Variants in MS4A4A observed in about 807,000 individuals in gnomAD.
MS4A4A encodes the protein membrane-spanning 4-domains subfamily A member 4A.
In MS4A4A, 26 loss-of-function variants were observed where a neutral mutation model predicts 28.0. That is an observed-to-expected ratio of 0.93 (90% CI 0.68 to 1.29). The LOEUF (loss-of-function observed/expected upper bound fraction) is 1.29. Among genes scored for constraint, MS4A4A ranks in the 50% most tolerant of loss-of-function variants. The pLI is 0.00. For synonymous variants in MS4A4A, 86 were observed against 100.8 expected (o/e 0.85, Z 0.88); for missense variants, 290 against 293.1 (o/e 0.99, Z 0.08).
At chr11:60,306,267 A>C in intron 6 of MS4A4A, 66 bp downstream of exon 6, 1 of 1,241,124 alleles carries the variant, frequency 8.1e-7, no homozygotes, top group East Asian at 2.3e-5. Context: ...TCGATTACAC[A>C]CACTTAGAGT....
intron 1 of MS4A4A, chr11:60,282,543 C>A: frequency 4.0e-6 from 5 of 1,265,364 alleles, no homozygotes; most frequent in Non-Finnish European, 4.1e-6. Flanking sequence ...AAATGCTGTT[C>A]ATGTGTGAGA....
At chr11:60,287,705 G>T (rs1400523421) in intron 1 of MS4A4A, among the ~76,000 whole-genome samples, 1 of 152,162 alleles carries the variant, frequency 6.6e-6, no homozygotes, top group Non-Finnish European at 1.5e-5. Flanking sequence ...GAGACTCAAG[G>T]TATGATTTAT....
At position 60,289,585 on chromosome 11, in the gene MS4A4A, GTGTGTGTGTA is replaced by G. The variant is rs1356891889; in HGVS notation, c.42-2630_42-2621del. Reference sequence around the variant, plus strand: ...TCATTGTTTTGGGGAGTGTGTGTGTGTGTGTGTGTATGTGTGTGTGTGTGTGTGTGTGTGT... The same window carrying G: ...TCATTGTTTTGGGGAGTGTGTGTGTGTGTGTGTGTGTGTGTGTGTGTGTGT... On this transcript the variant is annotated intron_variant, in intron 1 of 6. Transcript: ENST00000337908. Among the ~76,000 whole-genome samples the G allele has an allele frequency of 1.3e-3, 124 of 95,964 alleles. 2 individuals carry two copies. Among genetic ancestry groups the G allele is most frequent in the African/African-American group, 4.3e-3 (98 of 23,000 alleles). 63.0% of individuals were successfully genotyped at this position (95,964 alleles called of 152,430 possible). A position where few individuals can be genotyped will look rare whatever the true frequency, so the allele number is the denominator to read the frequency against.
At chr11:60,292,742 T>C (rs1235136803) in intron 2 of MS4A4A, among the ~76,000 whole-genome samples, 1 of 152,204 alleles carries the variant, frequency 6.6e-6, no homozygotes, top group Non-Finnish European at 1.5e-5. Context: ...ATATTGCTAC[T>C]ATTTCTTTCT....
intron 1 of MS4A4A, 120 bp from the exon 2 acceptor site, chr11:60,292,105 T>C: frequency 8.0e-7 from 1 of 1,246,784 alleles, no homozygotes. Flanking sequence ...CTAACAGCTA[T>C]TATGATATGG....
Position 60,308,888 on chromosome 11 carries a change from A to G in MS4A4A, c.*710A>G, listed in dbSNP as rs2085032600. On this transcript the variant is annotated 3_prime_UTR_variant, in exon 7 of 7. Transcript: ENST00000337908. ...TACTGGGCATAATTATATCTTAATC[A>G]TATATGGAAATGTGCAACATATGGT... The G allele has an allele frequency of 6.6e-6, 1 of 152,208 alleles. No homozygotes were observed. Among genetic ancestry groups the G allele is most frequent in the Admixed American group, 6.5e-5 (1 of 15,278 alleles). 9.4% of individuals were successfully genotyped at this position (152,208 alleles called of 1,614,324 possible).
rs749978296 is a variant in MS4A4A, at chr11:60,302,599, T to C, written c.428T>C (p.Leu143Pro). ...GGAATGAATATCACCAGCTCTGTAC[T>C]GGCTGCATCAGGGATCTTAATCAAC... ...SLGMNITSSVLAASGILINTF... is the reference protein window; with the variant it reads ...SLGMNITSSVPAASGILINTF... The change falls in exon 5 of 7, where the codon CTG (leucine) becomes CCG (proline). Residue 143 changes from leucine (L) to proline (P), a missense_variant. By Grantham distance (98) the Leu-to-Pro change is moderately conservative. Transcript: ENST00000337908. The C allele has an allele frequency of 1.6e-5, 26 of 1,614,102 alleles. No individual in the cohort carries two copies. Among genetic ancestry groups the C allele is most frequent in the Non-Finnish European group, 2.1e-5 (25 of 1,180,032 alleles).
intron 1 of MS4A4A, among the ~76,000 whole-genome samples, chr11:60,291,454 T>G (rs1026237144): frequency 1.3e-5 from 2 of 152,182 alleles, no homozygotes; most frequent in Non-Finnish European, 2.9e-5. Flanking sequence ...TATGCAATAC[T>G]ATACAATAAA....
Position 60,301,168 on chromosome 11 carries a change from C to T in MS4A4A, c.387+111C>T, listed in dbSNP as rs112999646. 345 of 879,278 alleles carry T rather than the reference C, an allele frequency of 3.9e-4. No individual in the cohort carries two copies. In the African/African-American group the frequency reaches 5.3e-3, roughly 14 times the overall value. The allele number at this position is 879,278 out of a possible 1,614,324, so 54.5% of individuals were successfully genotyped here. ...TTCTTTGTTTGTAAAAAATCAGGAG[C>T]GATTGTGCATTTTACCTACTAGAAT... On this transcript the variant is annotated intron_variant, in intron 4 of 6. Coordinates refer to ENST00000337908, the MANE Select transcript of MS4A4A (RefSeq NM_148975.3).
chr11:60,291,512 TCCTTC>T (rs2084855296), intron 1 of MS4A4A, among the ~76,000 whole-genome samples: 1 of 152,050 alleles, frequency 6.6e-6, no homozygotes, highest in Non-Finnish European at 1.5e-5. Flanking sequence ...ATAAAAGTAA[TCCTTC>T]AGCTGGGTGC....
intron 5 of MS4A4A, among the ~76,000 whole-genome samples, chr11:60,304,971 T>A (rs2084985168): frequency 6.6e-6 from 1 of 152,246 alleles, no homozygotes; most frequent in African/African-American, 2.4e-5. Flanking sequence ...ATGCAAATAT[T>A]CTCAAGGTCT....
intron 6 of MS4A4A, 29 bp from the exon 7 acceptor site, chr11:60,308,078 T>C (rs767558399): frequency 2.5e-6 from 4 of 1,611,270 alleles, no homozygotes. Flanking sequence ...TTTGGGTGAC[T>C]CACCTTTGGC....
intron 1 of MS4A4A, among the ~76,000 whole-genome samples, chr11:60,285,490 T>C (rs2135010106): frequency 6.6e-6 from 1 of 152,262 alleles, no homozygotes; most frequent in East Asian, 1.9e-4. Flanking sequence ...AAAAGTCTGG[T>C]AGTTTATTGG....
chr11:60,293,491 T>A lies in MS4A4A; in HGVS notation c.201+1107T>A, dbSNP rs77304671. On this transcript the variant is annotated intron_variant, in intron 2 of 6. Coordinates refer to ENST00000337908, the MANE Select transcript of MS4A4A (RefSeq NM_148975.3). ...CAACCTCCTCCACCAGCATGTAACC[T>A]TTGTACCAATTGATGAACTACATTG... is the stretch of plus-strand genomic sequence containing the variant. Among the ~76,000 whole-genome samples, 1,312 of 152,292 alleles carry A rather than the reference T, an allele frequency of 8.6e-3. 26 individuals carry two copies. Among genetic ancestry groups the A allele is most frequent in the African/African-American group, 0.03 (1,242 of 41,544 alleles).
intron 1 of MS4A4A, chr11:60,282,652 A>G (rs10792260): frequency 0.66 from 842,337 of 1,284,374 alleles, 280,910 homozygotes; most frequent in Admixed American, 0.75. Context: ...CAGATGTCTC[A>G]ATATAGGAAT....
intron 1 of MS4A4A, among the ~76,000 whole-genome samples, chr11:60,287,489 A>T (rs2084813242): frequency 6.6e-6 from 1 of 152,212 alleles, no homozygotes; most frequent in South Asian, 2.1e-4. Flanking sequence ...CCACCTCTTA[A>T]TACTGTTAAA....
chr11:60,293,853 A>G (rs1029938391), intron 2 of MS4A4A, among the ~76,000 whole-genome samples: 1 of 152,196 alleles, frequency 6.6e-6, no homozygotes, highest in African/African-American at 2.4e-5. Context: ...ACCACAGTTT[A>G]TTTATGCATT....
intron 5 of MS4A4A, among the ~76,000 whole-genome samples, chr11:60,305,205 C>G (rs1809125): frequency 3.9e-5 from 6 of 152,070 alleles, no homozygotes; most frequent in South Asian, 2.1e-4. Context: ...GTGCTCTGGG[C>G]AGATGGATTA....
intron 3 of MS4A4A, among the ~76,000 whole-genome samples, chr11:60,299,600 G>A (rs553997704): frequency 1.9e-4 from 29 of 151,986 alleles, no homozygotes; most frequent in African/African-American, 6.5e-4. Flanking sequence ...AGCCTCCCAA[G>A]TAGCTGGAAC....
Sources: gnomAD v4.1 joint callset for allele counts (sites outside exome capture counted in the v4.1 genomes callset) on GRCh38, gnomAD v4.1.1 for gene constraint, MANE v1.5 for transcripts, NCBI Gene and HGNC (gene_info 2026-07-23, HGNC 2026-07-21) for gene names.